Variants in PRKCH observed in about 807,000 individuals in gnomAD.
PRKCH encodes protein kinase C eta.
PRKCH carries 28 observed loss-of-function variants against 82.5 expected under a neutral mutation model. The observed-to-expected ratio is 0.34, with a 90% CI of 0.25 to 0.47. The LOEUF is 0.47. Among genes scored for constraint, PRKCH ranks in the 20% least tolerant of loss-of-function variants. The pLI, the probability that PRKCH is intolerant of heterozygous loss-of-function variation, is 1.00. For synonymous variants in PRKCH, 322 were observed against 327.4 expected (o/e 0.98, Z 0.18); for missense variants, 705 against 881.8 (o/e 0.80, Z 2.54).
At chr14:61,241,635 C>A (rs2044838274) in intron 1 of PRKCH, among the ~76,000 whole-genome samples, 2 of 152,180 alleles carry the variant, frequency 1.3e-5, no homozygotes, top group Admixed American at 6.5e-5. Flanking sequence ...GTTTTCAAGG[C>A]TCTTTGAAAT....
intron 2 of PRKCH, among the ~76,000 whole-genome samples, chr14:61,422,793 AT>A (rs1026502679): frequency 6.6e-6 from 1 of 151,860 alleles, no homozygotes; most frequent in African/African-American, 2.4e-5. Flanking sequence ...AGGCATCCCC[AT>A]TTTTTTTAAA....
At chr14:61,278,502 A>G (rs539060627) in intron 1 of PRKCH, 1 of 152,352 alleles carries the variant, frequency 6.6e-6, no homozygotes, top group South Asian at 2.1e-4. Context: ...AAACTATTCA[A>G]TACAATTCAA....
At chr14:61,475,036 G>A (rs1328380542) in intron 9 of PRKCH, among the ~76,000 whole-genome samples, 1 of 152,096 alleles carries the variant, frequency 6.6e-6, no homozygotes, top group Non-Finnish European at 1.5e-5. Flanking sequence ...CTTCCCACAT[G>A]GCATAAGTGT....
At chr14:61,230,310 G>A (rs2044732465) in intron 1 of PRKCH, among the ~76,000 whole-genome samples, 1 of 152,098 alleles carries the variant, frequency 6.6e-6, no homozygotes, top group Admixed American at 6.5e-5. Context: ...TCAGTTTTTG[G>A]TCTCGATGTC....
At chr14:61,252,577 A>T (rs1021353410) in intron 1 of PRKCH, among the ~76,000 whole-genome samples, 3 of 152,206 alleles carry the variant, frequency 2.0e-5, no homozygotes, top group Non-Finnish European at 4.4e-5. Flanking sequence ...GGCCTGGACA[A>T]ATGGAAACAG....
chr14:61,216,247 C>G (rs1471242999), intron 1 of PRKCH, among the ~76,000 whole-genome samples: 1 of 152,026 alleles, frequency 6.6e-6, no homozygotes, highest in East Asian at 1.9e-4. Context: ...GGGCGGATCA[C>G]CTAAGGTCGG....
intron 1 of PRKCH, among the ~76,000 whole-genome samples, chr14:61,367,845 G>T (rs2046317029): frequency 6.6e-6 from 1 of 151,356 alleles, no homozygotes; most frequent in African/African-American, 2.4e-5. Context: ...CTTCCAAGTA[G>T]CTGGGACTAC....
rs1017540290 is a variant in PRKCH, at chr14:61,442,756, C to A, written c.428-355C>A. 1.9e-5 allele frequency: 3 copies of A among 157,574 alleles called. No homozygotes were observed. The East Asian group carries it at 5.5e-4, about 29-fold the overall frequency. 9.8% of individuals were successfully genotyped at this position (157,574 alleles called of 1,614,324 possible). On this transcript the variant is annotated intron_variant, in intron 2 of 13. Transcript: ENST00000332981. The stretch of plus-strand genomic sequence containing the variant: ...GACCAGCTCTGGCATCACAGTGAGA[C>A]CTCCATCTCTATTAAAAAAAAATTA...
chr14:61,326,603 C>T lies in PRKCH; in HGVS notation c.363+4139C>T, dbSNP rs533135955. Reference sequence around the variant, plus strand: ...ATATGACAATTATACCTGAATAAAGCTGTGGGGAAAAAAACCAATCAGCGC... The same window carrying T: ...ATATGACAATTATACCTGAATAAAGTTGTGGGGAAAAAAACCAATCAGCGC... On this transcript the variant is annotated intron_variant, in intron 1 of 13. Transcript: ENST00000332981. 6.2e-4 allele frequency among the ~76,000 whole-genome samples: 95 copies of T among 152,246 alleles called. 1 individual carries two copies. The highest frequency in any genetic ancestry group is 1.0e-3 in the Non-Finnish European group (69 of 68,016).
intron 1 of PRKCH, among the ~76,000 whole-genome samples, chr14:61,228,666 AC>A (rs2044716659): frequency 6.6e-6 from 1 of 152,160 alleles, no homozygotes; most frequent in Non-Finnish European, 1.5e-5. Flanking sequence ...AGTTCATCAA[AC>A]CTTTTCTATA....
At chr14:61,359,362 G>T (rs1315736758) in intron 1 of PRKCH, among the ~76,000 whole-genome samples, 1 of 152,226 alleles carries the variant, frequency 6.6e-6, no homozygotes, top group Non-Finnish European at 1.5e-5. Flanking sequence ...TGAAGTGTCA[G>T]AGTGTGTCTG....
intron 1 of PRKCH, among the ~76,000 whole-genome samples, chr14:61,383,467 G>A (rs576040836): frequency 3.4e-4 from 52 of 152,200 alleles, no homozygotes; most frequent in African/African-American, 1.3e-3. Context: ...ATTGTTCAAG[G>A]TATAGATAAG....
At chr14:61,382,781 C>T (rs2046531517) in intron 1 of PRKCH, among the ~76,000 whole-genome samples, 1 of 152,252 alleles carries the variant, frequency 6.6e-6, no homozygotes, top group African/African-American at 2.4e-5. Flanking sequence ...ATGCTAGATC[C>T]CTTTGCTTAT....
intron 1 of PRKCH, among the ~76,000 whole-genome samples, chr14:61,227,470 C>T (rs990066690): frequency 2.0e-5 from 3 of 151,974 alleles, no homozygotes; most frequent in East Asian, 1.9e-4. Flanking sequence ...GGCGAGCGCC[C>T]GTAGTCCCAG....
At chr14:61,474,654 A>G (rs940850946) in intron 9 of PRKCH, among the ~76,000 whole-genome samples, 13 of 152,230 alleles carry the variant, frequency 8.5e-5, no homozygotes, top group African/African-American at 3.1e-4. Context: ...ATATATACCT[A>G]TGTAACAAAC....
intron 1 of PRKCH, among the ~76,000 whole-genome samples, chr14:61,258,876 A>G (rs2045021371): frequency 6.6e-6 from 1 of 152,222 alleles, no homozygotes; most frequent in Admixed American, 6.5e-5. Context: ...ATGCAAGGTG[A>G]AATAAGCTAA....
intron 1 of PRKCH, among the ~76,000 whole-genome samples, chr14:61,323,663 TTTAAA>T (rs2045660075): frequency 6.6e-6 from 1 of 152,242 alleles, no homozygotes; most frequent in Non-Finnish European, 1.5e-5. Flanking sequence ...ATTCCTTTCT[TTTAAA>T]TAGAAGTACA....
chr14:61,537,414 A>G (rs1566934311), intron 12 of PRKCH: 1 of 152,196 alleles, frequency 6.6e-6, no homozygotes, highest in African/African-American at 2.4e-5. Context: ...ACATGCCATC[A>G]GGTTTCTTAG....
intron 2 of PRKCH, among the ~76,000 whole-genome samples, chr14:61,433,063 T>TAAA (rs1883498502): frequency 9.0e-6 from 1 of 110,830 alleles, no homozygotes; most frequent in African/African-American, 4.3e-5. Flanking sequence ...AAAAAAAAAC[T>TAAA]ATCAAAAAAT....
Sources: gnomAD v4.1 joint callset for allele counts (sites outside exome capture counted in the v4.1 genomes callset) on GRCh38, gnomAD v4.1.1 for gene constraint, MANE v1.5 for transcripts, NCBI Gene and HGNC (gene_info 2026-07-23, HGNC 2026-07-21) for gene names.